Variants in MME observed in about 807,000 individuals in gnomAD.
MME encodes membrane metalloendopeptidase.
MME carries 98 observed loss-of-function variants against 113.2 expected under a neutral mutation model. The ratio of observed to expected loss-of-function variants is 0.87; its 90% CI spans 0.74 to 1.02. MME has a LOEUF of 1.02. Among genes scored for constraint, MME ranks in the 50% least tolerant of loss-of-function variants. MME has a pLI of 0.00. For synonymous variants in MME, 292 were observed against 300.6 expected, an observed-to-expected ratio of 0.97 and a Z score of 0.30; for missense variants, 836 against 896.0, an observed-to-expected ratio of 0.93 and a Z score of 0.86.
chr3:155,036,619 ATT>A, intron 1 of MME, among the ~76,000 whole-genome samples: 1 of 151,930 alleles, frequency 6.6e-6, no homozygotes. Flanking sequence ...TTCTTTTATT[ATT>A]TTTTATTATT....
intron 16 of MME, among the ~76,000 whole-genome samples, chr3:155,154,330 G>A (rs1336618025): frequency 6.6e-6 from 1 of 152,156 alleles, no homozygotes; most frequent in African/African-American, 2.4e-5. Context: ...AAATGGCAGA[G>A]CAGTTGGCAC....
chr3:155,171,095 TCCAG>T (rs746642090), intron 20 of MME, among the ~76,000 whole-genome samples: 1 of 152,138 alleles, frequency 6.6e-6, no homozygotes, highest in Admixed American at 6.5e-5. Flanking sequence ...TGCTATAAAA[TCCAG>T]CCAAAGTTGG....
At chr3:155,180,153 T>G (rs1283709650) in intron 22 of MME, among the ~76,000 whole-genome samples, 1 of 152,196 alleles carries the variant, frequency 6.6e-6, no homozygotes, top group Non-Finnish European at 1.5e-5. Flanking sequence ...TCTCCCAAAT[T>G]GCTTTTAACT....
chr3:155,089,845 C>A (rs1042826699), intron 3 of MME: 8 of 452,948 alleles, frequency 1.8e-5, no homozygotes, highest in Middle Eastern at 3.3e-4. Flanking sequence ...CATGGTAGCA[C>A]GCGCCTATAA....
chr3:155,042,907 T>A (rs1481440309), intron 1 of MME, among the ~76,000 whole-genome samples: 1 of 38,224 alleles, frequency 2.6e-5, no homozygotes, highest in African/African-American at 9.4e-5. Context: ...GTTTTATATA[T>A]ATATATATAT....
At chr3:155,094,586 A>G (rs1417809522) in intron 3 of MME, among the ~76,000 whole-genome samples, 2 of 152,222 alleles carry the variant, frequency 1.3e-5, no homozygotes, top group Non-Finnish European at 2.9e-5. Flanking sequence ...AAAAAAGAGA[A>G]TGTGGTACAT....
intron 1 of MME, among the ~76,000 whole-genome samples, chr3:155,063,954 G>T (rs1009784563): frequency 6.6e-6 from 1 of 151,058 alleles, no homozygotes; most frequent in Non-Finnish European, 1.5e-5. Flanking sequence ...AAATGTGGTG[G>T]TATGGGTGGT....
At chr3:155,154,979 A>T (rs1449235070) in intron 16 of MME, among the ~76,000 whole-genome samples, 2 of 152,226 alleles carry the variant, frequency 1.3e-5, no homozygotes, top group African/African-American at 4.8e-5. Flanking sequence ...CTGCCATGGC[A>T]TCCTCATGTT....
intron 7 of MME, among the ~76,000 whole-genome samples, chr3:155,118,412 A>C (rs112150133): frequency 6.6e-6 from 1 of 152,324 alleles, no homozygotes; most frequent in African/African-American, 2.4e-5. Context: ...TGTAATTTAG[A>C]AATTTCCACG....
At chr3:155,043,297 T>C (rs1159192388) in intron 1 of MME, among the ~76,000 whole-genome samples, 1 of 151,666 alleles carries the variant, frequency 6.6e-6, no homozygotes, top group East Asian at 1.9e-4. Flanking sequence ...TTCTAGCAAA[T>C]TTTTGCAGTA....
intron 1 of MME, among the ~76,000 whole-genome samples, chr3:155,043,984 A>G (rs1057343654): frequency 2.0e-5 from 3 of 152,088 alleles, no homozygotes; most frequent in Non-Finnish European, 4.4e-5. Context: ...TGTTGACTTT[A>G]CCTATTCATA....
At chr3:155,071,444 T>G (rs2108144558) in intron 1 of MME, among the ~76,000 whole-genome samples, 1 of 152,356 alleles carries the variant, frequency 6.6e-6, no homozygotes, top group African/African-American at 2.4e-5. Flanking sequence ...AGTGAGTGAC[T>G]GTTTTCAAAT....
intron 15 of MME, 24 bp downstream of exon 15, chr3:155,147,248 T>C (rs1444654411): frequency 7.2e-7 from 1 of 1,386,818 alleles, no homozygotes; most frequent in South Asian, 1.2e-5. Context: ...AAATAGACTC[T>C]GGACTACTGA....
chr3:155,038,748 G>T (rs1713211713), intron 1 of MME, among the ~76,000 whole-genome samples: 1 of 152,024 alleles, frequency 6.6e-6, no homozygotes, highest in Non-Finnish European at 1.5e-5. Context: ...GCTTACCATA[G>T]ATCTTAGCAA....
chr3:155,057,283 A>G (rs1179829322), intron 1 of MME, among the ~76,000 whole-genome samples: 2 of 152,188 alleles, frequency 1.3e-5, no homozygotes, highest in Non-Finnish European at 2.9e-5. Context: ...AAAAGTGGGC[A>G]AAGAACATGA....
At chr3:155,126,153 T>A (rs1007689364) in intron 8 of MME, among the ~76,000 whole-genome samples, 1 of 152,158 alleles carries the variant, frequency 6.6e-6, no homozygotes, top group Admixed American at 6.5e-5. Flanking sequence ...TTCAGTACAA[T>A]CTAGTTGCTG....
In MME at chr3:155,107,382, C is replaced by T. The variant is rs1463885945; in HGVS notation, c.197-7612C>T. Among the ~76,000 whole-genome samples the T allele has an allele frequency of 4.7e-5, 7 of 148,810 alleles. No individual in the cohort carries two copies. The South Asian group carries it at 1.3e-3, about 27-fold the overall frequency. ...AAAAAAAAAAAAAAGGAATAGTCAA[C>T]GGAGGAATTTTGTCATGGCACTGGG... On this transcript the variant is annotated intron_variant, in intron 3 of 22. Transcript: ENST00000360490.
chr3:155,180,871 G>T lies in MME; in HGVS notation c.*412G>T. The T allele has an allele frequency of 5.1e-6, 1 of 195,204 alleles. No individual in the cohort carries two copies. The allele number at this position is 195,204 out of a possible 1,614,324, so 12.1% of individuals were successfully genotyped here. ...CAGAAGAACAGTAGGTGACACTATA[G>T]TTTAAAACACATTGCCTAACTACTA... On this transcript the variant is annotated 3_prime_UTR_variant, in exon 23 of 23. Coordinates refer to ENST00000360490, the MANE Select transcript of MME (RefSeq NM_007289.4).
At chr3:155,125,681 G>A (rs955170148) in intron 8 of MME, among the ~76,000 whole-genome samples, 7 of 151,654 alleles carry the variant, frequency 4.6e-5, no homozygotes, top group South Asian at 4.2e-4. Flanking sequence ...GTGTGGTCTC[G>A]AACTCCTGAC....
Sources: allele counts gnomAD v4.1 joint callset (sites outside exome capture counted in the v4.1 genomes callset), GRCh38; gene constraint gnomAD v4.1.1; transcripts MANE v1.5; gene names NCBI Gene and HGNC (gene_info 2026-07-23, HGNC 2026-07-21).